ZFAND3: variants seen among roughly 807,000 people sequenced by gnomAD.
ZFAND3 encodes the protein AN1-type zinc finger protein 3.
ZFAND3 carries 10 observed loss-of-function variants against 29.6 expected under a neutral mutation model. The observed-to-expected ratio is 0.34, with a 90% CI of 0.21 to 0.57. The LOEUF is 0.57. Ranked by LOEUF, ZFAND3 falls within the 20% of genes least tolerant of loss-of-function variation. The pLI, the probability that ZFAND3 is intolerant of heterozygous loss-of-function variation, is 0.86. For missense variants in ZFAND3, 230 were observed against 304.5 expected (o/e 0.76, Z 1.82); for synonymous variants, 128 against 112.6 (o/e 1.14, Z -0.87).
intron 2 of ZFAND3, among the ~76,000 whole-genome samples, chr6:37,977,861 T>TTCCTTCCA (rs1762512698): frequency 7.0e-6 from 1 of 142,634 alleles, no homozygotes; most frequent in Non-Finnish European, 1.5e-5. Flanking sequence ...CCTTCCTTCC[T>TTCCTTCCA]TCCTTCCTTT....
intron 1 of ZFAND3, among the ~76,000 whole-genome samples, chr6:37,923,326 A>G (rs1210636601): frequency 6.6e-6 from 1 of 152,106 alleles, no homozygotes. Context: ...ACATGCACAC[A>G]ATTATCCTAG....
chr6:37,963,400 A>T (rs1256344997), intron 2 of ZFAND3, among the ~76,000 whole-genome samples: 1 of 152,192 alleles, frequency 6.6e-6, no homozygotes, highest in Non-Finnish European at 1.5e-5. Context: ...AAGAATAAAA[A>T]CTTCAGATAA....
intron 1 of ZFAND3, among the ~76,000 whole-genome samples, chr6:37,846,704 A>ATTTTTTTTTTTTTT (rs59448343): frequency 1.4e-5 from 2 of 140,898 alleles, no homozygotes; most frequent in Admixed American, 7.1e-5. Flanking sequence ...TATACTTGTG[A>ATTTTTTTTTTTTTT]TTTTTTTTTT....
At chr6:37,921,874 C>T (rs2127409267) in intron 1 of ZFAND3, among the ~76,000 whole-genome samples, 1 of 143,396 alleles carries the variant, frequency 7.0e-6, no homozygotes. Flanking sequence ...GGCAAAACCC[C>T]ATCTCTGCAA....
intron 2 of ZFAND3, among the ~76,000 whole-genome samples, chr6:38,051,721 A>G (rs567083190): frequency 1.1e-4 from 17 of 152,352 alleles, no homozygotes; most frequent in Admixed American, 3.3e-4. Flanking sequence ...CATAAAGTGC[A>G]TATTTTGTTA....
At chr6:38,034,440 A>G (rs1371043635) in intron 2 of ZFAND3, among the ~76,000 whole-genome samples, 1 of 152,172 alleles carries the variant, frequency 6.6e-6, no homozygotes, top group Non-Finnish European at 1.5e-5. Flanking sequence ...ATTAGGAAAA[A>G]AGTATTTGCA....
intron 2 of ZFAND3, among the ~76,000 whole-genome samples, chr6:37,966,493 T>C (rs2842519): frequency 0.95 from 145,000 of 152,192 alleles, 69,399 homozygotes; most frequent in East Asian, 1. Context: ...GCAACTTGTC[T>C]GAGGCCTTGC....
intron 1 of ZFAND3, among the ~76,000 whole-genome samples, chr6:37,846,334 G>T (rs1318365787): frequency 6.6e-6 from 1 of 152,224 alleles, no homozygotes; most frequent in African/African-American, 2.4e-5. Context: ...ATTGAGCCAG[G>T]TGCAGCTGTT....
intron 1 of ZFAND3, among the ~76,000 whole-genome samples, chr6:37,837,462 C>CCACAG (rs1763989395): frequency 1.3e-5 from 2 of 150,014 alleles, no homozygotes; most frequent in South Asian, 4.2e-4. Context: ...AGCATTGGAA[C>CCACAG]TGTGTAATCA....
intron 1 of ZFAND3, among the ~76,000 whole-genome samples, chr6:37,876,917 T>C (rs76228807): frequency 0.07 from 10,600 of 152,266 alleles, 467 homozygotes; most frequent in Non-Finnish European, 0.099. Context: ...ATTCCTTTGC[T>C]TTGAAGATAT....
chr6:37,944,627 C>T (rs922823593), intron 2 of ZFAND3, among the ~76,000 whole-genome samples: 4 of 152,186 alleles, frequency 2.6e-5, no homozygotes, highest in African/African-American at 9.7e-5. Flanking sequence ...GTGTTTTGAC[C>T]TACAGCGTAT....
At chr6:37,937,255 AAAT>A (rs1761714438) in intron 2 of ZFAND3, among the ~76,000 whole-genome samples, 1 of 152,226 alleles carries the variant, frequency 6.6e-6, no homozygotes, top group Admixed American at 6.5e-5. Flanking sequence ...AACTCTGCAC[AAAT>A]AATGTAGAAA....
intron 5 of ZFAND3, among the ~76,000 whole-genome samples, chr6:38,132,063 AGACAT>A (rs1299055861): frequency 1.3e-5 from 2 of 152,256 alleles, no homozygotes; most frequent in Non-Finnish European, 2.9e-5. Flanking sequence ...AATTCAGACT[AGACAT>A]ATATGCTGTC....
At chr6:37,906,419 G>A (rs908200935) in intron 1 of ZFAND3, among the ~76,000 whole-genome samples, 6 of 152,030 alleles carry the variant, frequency 3.9e-5, no homozygotes, top group Non-Finnish European at 5.9e-5. Flanking sequence ...TAACAGCCTT[G>A]TTTATCCAGT....
At chr6:38,104,505 A>C (rs1201031706) in intron 4 of ZFAND3, among the ~76,000 whole-genome samples, 1 of 152,222 alleles carries the variant, frequency 6.6e-6, no homozygotes, top group Non-Finnish European at 1.5e-5. Flanking sequence ...GAAGTCTTTA[A>C]AAATAACATG....
chr6:37,995,568 A>C (rs1372190696), intron 2 of ZFAND3, among the ~76,000 whole-genome samples: 1 of 152,228 alleles, frequency 6.6e-6, no homozygotes, highest in Non-Finnish European at 1.5e-5. Context: ...TGGGAATAAA[A>C]AATGTTTAAG....
intron 1 of ZFAND3, among the ~76,000 whole-genome samples, chr6:37,840,880 C>G (rs1233206240): frequency 5.9e-5 from 9 of 152,086 alleles, no homozygotes; most frequent in Admixed American, 2.6e-4. Flanking sequence ...GAAAAGAGAA[C>G]ATTTGGTTAG....
chr6:38,129,913 A>G (rs1055145244), intron 5 of ZFAND3, among the ~76,000 whole-genome samples: 1 of 151,842 alleles, frequency 6.6e-6, no homozygotes, highest in African/African-American at 2.4e-5. Flanking sequence ...TTTTGGCAGT[A>G]TGGTCATTTT....
chr6:37,971,564 A>C (rs1487034289), intron 2 of ZFAND3, among the ~76,000 whole-genome samples: 2 of 152,054 alleles, frequency 1.3e-5, no homozygotes, highest in Non-Finnish European at 2.9e-5. Context: ...TTTACTTAAG[A>C]TTTTTTTCTG....
Sources: allele counts gnomAD v4.1 joint callset (sites outside exome capture counted in the v4.1 genomes callset), GRCh38; gene constraint gnomAD v4.1.1; transcripts MANE v1.5; gene names NCBI Gene and HGNC (gene_info 2026-07-23, HGNC 2026-07-21).